The following DPP6 variants were observed in gnomAD, a reference collection of about 807,000 sequenced individuals.
DPP6 encodes the protein dipeptidyl peptidase like 6.
Under a neutral mutation model 122.6 loss-of-function variants are expected in DPP6, and 69 were observed. That is an observed-to-expected ratio of 0.56 (90% CI 0.46 to 0.69). The LOEUF is 0.69. Ranked by LOEUF, DPP6 falls within the 30% of genes least tolerant of loss-of-function variation. DPP6 has a pLI of 0.00. For synonymous variants in DPP6, 418 were observed against 433.1 expected (o/e 0.97, Z 0.43); for missense variants, 928 against 1,116.9 (o/e 0.83, Z 2.41).
At chr7:154,036,036 G>T (rs9640339) in intron 1 of DPP6, among the ~76,000 whole-genome samples, 177 of 151,736 alleles carry the variant, frequency 1.2e-3, no homozygotes, top group African/African-American at 4.1e-3. Context: ...GTGTGTGTGT[G>T]TGTGTGTGTG....
intron 1 of DPP6, among the ~76,000 whole-genome samples, chr7:153,907,200 G>C (rs1799887185): frequency 6.6e-6 from 1 of 152,214 alleles, no homozygotes; most frequent in East Asian, 1.9e-4. Flanking sequence ...GGCTTTCTGA[G>C]TGCTGTAAGA....
chr7:154,464,184 G>A (rs749311485), intron 2 of DPP6, among the ~76,000 whole-genome samples: 8 of 152,184 alleles, frequency 5.3e-5, no homozygotes, highest in Admixed American at 3.9e-4. Flanking sequence ...TCAGTGCTCC[G>A]TCCGTGGGAA....
At chr7:154,264,639 T>C (rs1803256636) in intron 1 of DPP6, among the ~76,000 whole-genome samples, 1 of 152,174 alleles carries the variant, frequency 6.6e-6, no homozygotes, top group Admixed American at 6.5e-5. Context: ...ATGATGTTAA[T>C]GATGTTAATG....
chr7:153,952,881 A>G (rs1010881751), intron 1 of DPP6, among the ~76,000 whole-genome samples: 5 of 152,254 alleles, frequency 3.3e-5, no homozygotes, highest in Non-Finnish European at 7.3e-5. Context: ...GGAGTCAGTC[A>G]GATACAATTT....
chr7:153,759,158 C>T, the DPP6 span, among the ~76,000 whole-genome samples: 1 of 152,000 alleles, frequency 6.6e-6, no homozygotes, highest in East Asian at 1.9e-4. Context: ...TGCTTATTTC[C>T]ATCCACATAT....
intron 10 of DPP6, among the ~76,000 whole-genome samples, chr7:154,789,620 G>A (rs979986807): frequency 2.0e-5 from 3 of 152,164 alleles, no homozygotes; most frequent in Admixed American, 6.5e-5. Flanking sequence ...TCCCTCTGCC[G>A]GCCAGGCACC....
chr7:153,760,444 T>C, the DPP6 span, among the ~76,000 whole-genome samples: 5 of 152,140 alleles, frequency 3.3e-5, no homozygotes, highest in Admixed American at 6.5e-5. Context: ...AGCCTGGTAA[T>C]TTTTGATTGG....
At chr7:154,341,018 T>A (rs572839590) in intron 1 of DPP6, among the ~76,000 whole-genome samples, 1 of 152,352 alleles carries the variant, frequency 6.6e-6, no homozygotes, top group East Asian at 1.9e-4. Flanking sequence ...TATTATAACA[T>A]AAACTTATAA....
chr7:154,702,951 G>C (rs1840606854), intron 7 of DPP6, among the ~76,000 whole-genome samples: 1 of 152,212 alleles, frequency 6.6e-6, no homozygotes, highest in South Asian at 2.1e-4. Context: ...TCTCTTCTTA[G>C]GGGTTGAAGT....
chr7:154,149,308 G>C (rs866759593), intron 1 of DPP6, among the ~76,000 whole-genome samples: 1 of 152,272 alleles, frequency 6.6e-6, no homozygotes, highest in Non-Finnish European at 1.5e-5. Flanking sequence ...AGGATGCTTG[G>C]CTCTGGGCCT....
At chr7:153,936,224 C>G (rs1028046255) in intron 1 of DPP6, among the ~76,000 whole-genome samples, 1 of 149,280 alleles carries the variant, frequency 6.7e-6, no homozygotes, top group African/African-American at 2.5e-5. Context: ...GCATTAATAT[C>G]TGGATGGGAC....
chr7:154,549,292 A>G (rs1011955292), intron 4 of DPP6, among the ~76,000 whole-genome samples: 6 of 152,370 alleles, frequency 3.9e-5, no homozygotes, highest in Admixed American at 6.5e-5. Context: ...GACTCCTCAT[A>G]TCAGAGTTGT....
intron 1 of DPP6, among the ~76,000 whole-genome samples, chr7:154,000,435 T>C (rs1797638496): frequency 6.6e-6 from 1 of 152,148 alleles, no homozygotes; most frequent in Non-Finnish European, 1.5e-5. Context: ...GTGCCTGATA[T>C]ATGGTTGCTG....
At chr7:154,373,408 G>A (rs1264730457) in intron 1 of DPP6, among the ~76,000 whole-genome samples, 1 of 152,164 alleles carries the variant, frequency 6.6e-6, no homozygotes, top group African/African-American at 2.4e-5. Context: ...TCGTGAGGCG[G>A]TTGTGAGGAG....
rs138606167 is a variant in DPP6, at chr7:154,308,793, A to AT, written c.244-137418dup. On this transcript the variant is annotated intron_variant, in intron 1 of 25. Transcript: ENST00000377770. ...GTACATACTGTCTCCATTTCAAATGATTTAAAATTGAAAAGCAGTGATCAG... is the reference window on the plus strand; with the variant it reads ...GTACATACTGTCTCCATTTCAAATGATTTTAAAATTGAAAAGCAGTGATCAG... 6.1e-3 allele frequency among the ~76,000 whole-genome samples: 931 copies of AT among 152,342 alleles called. 13 individuals carry two copies. Among genetic ancestry groups the AT allele is most frequent in the African/African-American group, 0.021 (877 of 41,582 alleles).
intron 1 of DPP6, among the ~76,000 whole-genome samples, chr7:154,078,779 A>G (rs971464437): frequency 6.6e-6 from 1 of 152,148 alleles, no homozygotes; most frequent in African/African-American, 2.4e-5. Flanking sequence ...GAATCAAGGA[A>G]AGCCACCTGG....
At chr7:153,866,706 A>G in the DPP6 span, among the ~76,000 whole-genome samples, 14 of 152,166 alleles carry the variant, frequency 9.2e-5, no homozygotes, top group East Asian at 5.8e-4. Context: ...TTGGTGTTTT[A>G]GACATGAAGT....
chr7:154,342,015 T>G (rs959389482), intron 1 of DPP6, among the ~76,000 whole-genome samples: 4 of 152,204 alleles, frequency 2.6e-5, no homozygotes, highest in Admixed American at 2.0e-4. Flanking sequence ...GGAAATCATC[T>G]CATCACCTGT....
At chr7:154,024,753 C>T (rs199754463) in intron 1 of DPP6, among the ~76,000 whole-genome samples, 7 of 150,464 alleles carry the variant, frequency 4.7e-5, no homozygotes, top group South Asian at 2.1e-4. Flanking sequence ...GTCCGAGCAG[C>T]GGGGCTTGTC....
Sources: allele counts gnomAD v4.1 joint callset (sites outside exome capture counted in the v4.1 genomes callset), GRCh38; gene constraint gnomAD v4.1.1; transcripts MANE v1.5; gene names NCBI Gene and HGNC (gene_info 2026-07-23, HGNC 2026-07-21).